SNTG1: variants seen among roughly 807,000 people sequenced by gnomAD.
SNTG1 encodes the protein syntrophin gamma 1.
A neutral mutation model predicts 74.7 loss-of-function variants in SNTG1; 39 were observed. The observed-to-expected ratio is 0.52, with a 90% CI of 0.40 to 0.68. SNTG1 has a LOEUF of 0.68. Ranked by LOEUF, SNTG1 falls within the 30% of genes least tolerant of loss-of-function variation. SNTG1 has a pLI of 0.00. For synonymous variants in SNTG1, 254 were observed against 217.1 expected (o/e 1.17, Z -1.49); for missense variants, 685 against 609.5 (o/e 1.12, Z -1.30).
chr8:50,644,137 G>A (rs2095092002), intron 13 of SNTG1: 1 of 152,206 alleles, frequency 6.6e-6, no homozygotes, highest in South Asian at 2.1e-4. Flanking sequence ...ATCACTATGG[G>A]TGCATTTTTG....
chr8:50,053,495 G>C (rs1325052143), intron 1 of SNTG1, among the ~76,000 whole-genome samples: 1 of 151,922 alleles, frequency 6.6e-6, no homozygotes, highest in African/African-American at 2.4e-5. Flanking sequence ...GTAGACAGTA[G>C]TGATGATTTT....
At chr8:50,395,901 A>G (rs1004551019) in intron 3 of SNTG1, among the ~76,000 whole-genome samples, 1 of 152,186 alleles carries the variant, frequency 6.6e-6, no homozygotes, top group African/African-American at 2.4e-5. Context: ...GTAGTAAGGC[A>G]TTCATTGAAA....
At chr8:50,197,912 A>T (rs1394211715) in intron 2 of SNTG1, among the ~76,000 whole-genome samples, 1 of 152,082 alleles carries the variant, frequency 6.6e-6, no homozygotes, top group South Asian at 2.1e-4. Flanking sequence ...TTATTCTCAT[A>T]TGCAGTTCAA....
chr8:50,104,760 G>C (rs996166292), intron 1 of SNTG1, among the ~76,000 whole-genome samples: 1 of 152,112 alleles, frequency 6.6e-6, no homozygotes, highest in Non-Finnish European at 1.5e-5. Context: ...CTGGTATGTT[G>C]TGTCTTTGTT....
intron 18 of SNTG1, among the ~76,000 whole-genome samples, chr8:50,758,425 C>A (rs2095587303): frequency 6.6e-6 from 1 of 151,886 alleles, no homozygotes; most frequent in Non-Finnish European, 1.5e-5. Flanking sequence ...CATCCATCAA[C>A]CTGTCATCTA....
At chr8:50,365,714 G>A (rs780005111) in intron 2 of SNTG1, among the ~76,000 whole-genome samples, 3 of 152,072 alleles carry the variant, frequency 2.0e-5, no homozygotes, top group Non-Finnish European at 4.4e-5. Context: ...TATTACAATA[G>A]ACTGATTATT....
At position 50,734,908 on chromosome 8, in the gene SNTG1, T is replaced by TAG. The variant is rs2095523763; in HGVS notation, c.1285-17093_1285-17092insAG. 1.7e-4 allele frequency among the ~76,000 whole-genome samples: 24 copies of TAG among 141,720 alleles called. 3 individuals carry two copies. Among genetic ancestry groups the TAG allele is most frequent in the Admixed American group, 1.4e-4 (2 of 13,922 alleles). The allele number at this position is 141,720 out of a possible 152,430, so 93.0% of individuals were successfully genotyped here. ...ATCTATATATATGGACATATATATATCTATATATATGTCCATATACATATA... is the reference window on the plus strand; with the variant it reads ...ATCTATATATATGGACATATATATATAGCTATATATATGTCCATATACATATA... On this transcript the variant is annotated intron_variant, in intron 17 of 18. Transcript: ENST00000642720.
intron 2 of SNTG1, among the ~76,000 whole-genome samples, chr8:50,293,308 A>G (rs1398483791): frequency 6.6e-6 from 1 of 151,112 alleles, no homozygotes; most frequent in Non-Finnish European, 1.5e-5. Flanking sequence ...TCTCCTACCT[A>G]TGTCTTCACA....
chr8:50,503,937 A>C (rs1022482455), intron 9 of SNTG1, among the ~76,000 whole-genome samples: 1 of 152,146 alleles, frequency 6.6e-6, no homozygotes, highest in Admixed American at 6.6e-5. Context: ...TACACAAACC[A>C]GTTATTGAAA....
rs544827537 is a variant in SNTG1, at chr8:49,984,589, G to A, written c.-103+72358G>A. On this transcript the variant is annotated intron_variant, in intron 1 of 18. Transcript: ENST00000642720. ...TTTCCTTAATGTTTTACACCTAAATGTATAACTTATATGGTTCAATTACTT... is the reference window on the plus strand; with the variant it reads ...TTTCCTTAATGTTTTACACCTAAATATATAACTTATATGGTTCAATTACTT... 7.9e-5 allele frequency among the ~76,000 whole-genome samples: 12 copies of A among 152,232 alleles called. No homozygotes were observed. The South Asian group carries it at 2.1e-3, about 26-fold the overall frequency.
At chr8:50,299,877 T>C (rs549560327) in intron 2 of SNTG1, among the ~76,000 whole-genome samples, 1 of 152,114 alleles carries the variant, frequency 6.6e-6, no homozygotes, top group South Asian at 2.1e-4. Context: ...CTTTAACCCA[T>C]TTACTAAACT....
intron 9 of SNTG1, among the ~76,000 whole-genome samples, chr8:50,528,819 A>G (rs1206269658): frequency 2.7e-5 from 4 of 150,104 alleles, no homozygotes; most frequent in Non-Finnish European, 5.9e-5. Flanking sequence ...TTTTTTTGCT[A>G]TGGGTTTATC....
At chr8:50,146,908 G>T (rs887479291) in intron 1 of SNTG1, among the ~76,000 whole-genome samples, 2 of 151,298 alleles carry the variant, frequency 1.3e-5, no homozygotes, top group Non-Finnish European at 2.9e-5. Context: ...ATACATTCTG[G>T]ATATAAATTC....
intron 1 of SNTG1, among the ~76,000 whole-genome samples, chr8:50,084,700 T>A (rs1489297946): frequency 6.6e-6 from 1 of 152,240 alleles, no homozygotes; most frequent in Non-Finnish European, 1.5e-5. Flanking sequence ...TGTTGAAATT[T>A]AATTGCCATT....
At chr8:50,668,276 CT>C (rs1349009505) in intron 15 of SNTG1, among the ~76,000 whole-genome samples, 3 of 151,766 alleles carry the variant, frequency 2.0e-5, no homozygotes, top group African/African-American at 7.3e-5. Context: ...ATATAAAGTA[CT>C]TATTTCCCTT....
intron 15 of SNTG1, among the ~76,000 whole-genome samples, chr8:50,679,123 T>C (rs1327424269): frequency 6.6e-6 from 1 of 152,118 alleles, no homozygotes; most frequent in African/African-American, 2.4e-5. Context: ...CCTGTGGGCT[T>C]CATAGAAACT....
At chr8:50,733,200 C>T (rs934168448) in intron 17 of SNTG1, among the ~76,000 whole-genome samples, 9 of 151,992 alleles carry the variant, frequency 5.9e-5, no homozygotes, top group Admixed American at 5.9e-4. Context: ...TTCTGTTTTG[C>T]ATTTAATTTG....
intron 9 of SNTG1, among the ~76,000 whole-genome samples, chr8:50,520,329 A>G (rs1350918436): frequency 6.6e-6 from 1 of 152,254 alleles, no homozygotes; most frequent in East Asian, 1.9e-4. Context: ...ATCTAAAACC[A>G]TAAAAACCCT....
chr8:49,925,709 C>T (rs1806960793), intron 1 of SNTG1, among the ~76,000 whole-genome samples: 1 of 152,140 alleles, frequency 6.6e-6, no homozygotes, highest in Non-Finnish European at 1.5e-5. Flanking sequence ...CATTTGAGAT[C>T]CATTTTTTGC....
Sources: gnomAD v4.1 joint callset for allele counts (sites outside exome capture counted in the v4.1 genomes callset) on GRCh38, gnomAD v4.1.1 for gene constraint, MANE v1.5 for transcripts, NCBI Gene and HGNC (gene_info 2026-07-23, HGNC 2026-07-21) for gene names.